BRI3: variants seen among roughly 807,000 people sequenced by gnomAD.
BRI3 encodes the protein brain protein I3.
In BRI3, 6 loss-of-function variants were observed where a neutral mutation model predicts 12.8. The observed-to-expected ratio is 0.47, with a 90% confidence interval of 0.26 to 0.93. BRI3 has a LOEUF of 0.93. BRI3 is among the 40% of genes least tolerant of loss of function. BRI3 has a pLI of 0.15. For missense variants in BRI3, 134 were observed against 171.1 expected (o/e 0.78, Z 1.21); for synonymous variants, 91 against 76.1 (o/e 1.20, Z -1.02).
downstream of BRI3, among the ~76,000 whole-genome samples, chr7:98,294,486 G>A (rs955707251): frequency 2.0e-5 from 3 of 152,320 alleles, no homozygotes; most frequent in Admixed American, 6.5e-5. Context: ...CACTGCCTGC[G>A]CGGGTCACCC....
At chr7:98,297,804 G>A (rs762193765), downstream of BRI3, among the ~76,000 whole-genome samples, 1 of 152,248 alleles carries the variant, frequency 6.6e-6, no homozygotes, top group East Asian at 1.9e-4. Context: ...GCTCTCAGGA[G>A]GGGCTCACGC....
chr7:98,293,669 C>G, downstream of BRI3: 1 of 1,434,046 alleles, frequency 7.0e-7, no homozygotes. Context: ...GTGCTAATAA[C>G]CCGTTCTTGC....
At chr7:98,313,481 C>T (rs555513038), downstream of BRI3, among the ~76,000 whole-genome samples, 1 of 152,048 alleles carries the variant, frequency 6.6e-6, no homozygotes, top group African/African-American at 2.4e-5. Context: ...CTCCAGCCTG[C>T]GACCCTGGTG....
At chr7:98,320,341 T>C in the BRI3 span, 2 of 1,458,868 alleles carry the variant, frequency 1.4e-6, no homozygotes, top group African/African-American at 1.4e-5. Flanking sequence ...CCATTGCGTA[T>C]TTTTTTGTTT....
At chr7:98,288,531 A>G (rs1015159898) in intron 2 of BRI3, among the ~76,000 whole-genome samples, 7 of 150,298 alleles carry the variant, frequency 4.7e-5, no homozygotes, top group Non-Finnish European at 8.9e-5. Flanking sequence ...TTCCTGGCAG[A>G]CTCTGGTCTT....
At chr7:98,315,079 G>A (rs1274891128), downstream of BRI3, among the ~76,000 whole-genome samples, 1 of 152,104 alleles carries the variant, frequency 6.6e-6, no homozygotes, top group Non-Finnish European at 1.5e-5. Context: ...GCTTTATATT[G>A]GGCATGTGTG....
At chr7:98,284,205 G>A (rs1357569965) in intron 2 of BRI3, among the ~76,000 whole-genome samples, 1 of 152,196 alleles carries the variant, frequency 6.6e-6, no homozygotes, top group Non-Finnish European at 1.5e-5. Flanking sequence ...AAGGTTGGGG[G>A]GTCCTTAGTC....
At chr7:98,292,958 G>C (rs1800032558), downstream of BRI3, 2 of 1,221,424 alleles carry the variant, frequency 1.6e-6, no homozygotes, top group Admixed American at 4.1e-5. Context: ...CGTGGTTGGA[G>C]GGAGGGTGGG....
At chr7:98,283,901 T>TG (rs757117729) in intron 2 of BRI3, among the ~76,000 whole-genome samples, 12 of 152,048 alleles carry the variant, frequency 7.9e-5, no homozygotes, top group African/African-American at 2.9e-4. Flanking sequence ...ATCCCAGGGC[T>TG]GGGGGGCGCC....
At chr7:98,293,405 T>G, downstream of BRI3, 1 of 926,710 alleles carries the variant, frequency 1.1e-6, no homozygotes, top group Non-Finnish European at 1.7e-6. Context: ...GCAGGCGACA[T>G]TAGAGTTAGG....
At chr7:98,320,120 A>G in the BRI3 span, 1 of 1,612,210 alleles carries the variant, frequency 6.2e-7, no homozygotes, top group African/African-American at 1.3e-5. Flanking sequence ...TCTTTGTGGA[A>G]TTTTTTAAAC....
At chr7:98,289,494 T>A (rs146244596) in intron 2 of BRI3, among the ~76,000 whole-genome samples, 4 of 152,196 alleles carry the variant, frequency 2.6e-5, no homozygotes, top group Admixed American at 2.6e-4. Flanking sequence ...TTTCTCCCCT[T>A]AGCAAGGCAC....
exon 2 of BRI3, chr7:98,307,816 T>G: frequency 6.2e-7 from 1 of 1,614,234 alleles, no homozygotes; most frequent in East Asian, 2.2e-5. Context: ...GGGAAGATGG[T>G]CTTCACTTTC....
At chr7:98,311,502 T>C (rs75139799), downstream of BRI3, among the ~76,000 whole-genome samples, 14,519 of 150,762 alleles carry the variant, frequency 0.096, 872 homozygotes, top group South Asian at 0.18. Flanking sequence ...GATTGCGCCA[T>C]TGCACTCCAG....
At chr7:98,313,178 G>A (rs1800937756), downstream of BRI3, among the ~76,000 whole-genome samples, 2 of 147,406 alleles carry the variant, frequency 1.4e-5, no homozygotes, top group South Asian at 4.3e-4. Context: ...ACACTCTGCA[G>A]CACCGTGGAC....
At chr7:98,289,406 A>G (rs1267103581) in intron 2 of BRI3, among the ~76,000 whole-genome samples, 1 of 152,154 alleles carries the variant, frequency 6.6e-6, no homozygotes, top group Non-Finnish European at 1.5e-5. Context: ...AGTGGCCCTC[A>G]TGAGTCCAGA....
chr7:98,301,475 G>GTATATATATATA (rs60741017), intron 1 of BRI3, among the ~76,000 whole-genome samples: 81 of 142,304 alleles, frequency 5.7e-4, no homozygotes, highest in Non-Finnish European at 8.4e-4. Flanking sequence ...TTTTTTTTTG[G>GTATATATATATA]TATATATATA....
downstream of BRI3, chr7:98,312,095 AC>A: frequency 1.3e-6 from 2 of 1,591,436 alleles, no homozygotes; most frequent in Non-Finnish European, 1.7e-6. Context: ...ACTGGCTCCT[AC>A]CACATTGCTT....
At chr7:98,312,281 A>G (rs375152422), downstream of BRI3, 3 of 1,588,934 alleles carry the variant, frequency 1.9e-6, no homozygotes, top group Non-Finnish European at 2.6e-6. Flanking sequence ...AGCCAAAAGA[A>G]GAAGACTAAA....
Sources: gnomAD v4.1 joint callset for allele counts (sites outside exome capture counted in the v4.1 genomes callset) on GRCh38, gnomAD v4.1.1 for gene constraint, MANE v1.5 for transcripts, NCBI Gene and HGNC (gene_info 2026-07-23, HGNC 2026-07-21) for gene names.